The following BCKDHB variants were observed in gnomAD, a reference collection of about 807,000 sequenced individuals.
BCKDHB encodes the protein 2-oxoisovalerate dehydrogenase subunit beta, mitochondrial.
BCKDHB carries 41 observed loss-of-function variants against 48.5 expected under a neutral mutation model. The ratio of observed to expected loss-of-function variants is 0.85; its 90% CI spans 0.66 to 1.10. The LOEUF (loss-of-function observed/expected upper bound fraction) is 1.10. Ranked by LOEUF, BCKDHB falls within the 50% of genes least tolerant of loss-of-function variation. BCKDHB has a pLI of 0.00. For synonymous variants in BCKDHB, 201 were observed against 174.8 expected (o/e 1.15, Z -1.18); for missense variants, 496 against 494.2 (o/e 1.00, Z -0.03).
Position 80,173,368 on chromosome 6 carries a change from G to T in BCKDHB, c.742+1978G>T, listed in dbSNP as rs549876226. 3.3e-5 allele frequency among the ~76,000 whole-genome samples: 5 copies of T among 152,144 alleles called. No homozygotes were observed. In the East Asian group the frequency reaches 9.7e-4, roughly 29 times the overall value. On this transcript the variant is annotated intron_variant, in intron 6 of 9. Transcript: ENST00000320393. Reference sequence around the variant, plus strand: ...CTCAATAGAGGTCACAGTGATATTGGCTCTTTCATAGCTAGAAAGCTTCTC... The same window carrying T: ...CTCAATAGAGGTCACAGTGATATTGTCTCTTTCATAGCTAGAAAGCTTCTC...
intron 1 of BCKDHB, among the ~76,000 whole-genome samples, chr6:80,125,647 G>A (rs139023527): frequency 2.8e-4 from 42 of 152,220 alleles, no homozygotes; most frequent in African/African-American, 8.2e-4. Context: ...TTATGTCTCA[G>A]GGAATAGGGA....
chr6:80,355,207 C>T, the BCKDHB span, among the ~76,000 whole-genome samples: 917 of 151,892 alleles, frequency 6.0e-3, 9 homozygotes, highest in African/African-American at 0.021. Flanking sequence ...CGAGACTAGC[C>T]TGGCCAACAT....
At chr6:80,157,721 C>T (rs769893717) in intron 3 of BCKDHB, among the ~76,000 whole-genome samples, 4 of 151,638 alleles carry the variant, frequency 2.6e-5, no homozygotes, top group East Asian at 1.9e-4. Flanking sequence ...TCAGGTGATC[C>T]GCCCACCTCG....
chr6:80,213,925 G>A (rs1306226534), intron 8 of BCKDHB, among the ~76,000 whole-genome samples: 2 of 152,136 alleles, frequency 1.3e-5, no homozygotes, highest in African/African-American at 4.8e-5. Context: ...TTAGGGGAAA[G>A]GAGCTAGAAG....
At chr6:80,353,654 A>T in the BCKDHB span, among the ~76,000 whole-genome samples, 4 of 152,228 alleles carry the variant, frequency 2.6e-5, no homozygotes, top group African/African-American at 9.6e-5. Context: ...AGAGATCAAG[A>T]CCATCCTGGC....
At chr6:80,184,826 C>T (rs142913138) in intron 6 of BCKDHB, among the ~76,000 whole-genome samples, 2,186 of 152,248 alleles carry the variant, frequency 0.014, 52 homozygotes, top group African/African-American at 0.049. Flanking sequence ...AGAGGTTTTC[C>T]TTTATAGGTT....
Position 80,343,774 on chromosome 6 carries a change from T to C in BCKDHB, c.1149T>C (p.Tyr383=), listed in dbSNP as rs190867671. 4 of 1,614,012 alleles carry C rather than the reference T, an allele frequency of 2.5e-6. No individual in the cohort carries two copies. The East Asian group carries it at 6.7e-5, about 27-fold the overall frequency. The change falls in exon 10 of 10, where the codon TAT becomes TAC. Residue 383 remains tyrosine, a synonymous_variant. Coordinates refer to ENST00000320393, the MANE Select transcript of BCKDHB (RefSeq NM_183050.4). ...ACATCCCAGACAAATGGAAGTGTTA[T>C]GATGCCCTTCGAAAAATGATCAACT... ...PFYIPDKWKC[Y]DALRKMINY
chr6:80,163,234 A>G (rs565186773), intron 3 of BCKDHB, among the ~76,000 whole-genome samples: 3 of 151,670 alleles, frequency 2.0e-5, no homozygotes, highest in Non-Finnish European at 2.9e-5. Context: ...CCGTTTCTCC[A>G]TATAATTGTC....
intron 1 of BCKDHB, among the ~76,000 whole-genome samples, chr6:80,115,716 A>G (rs1014246486): frequency 2.6e-5 from 4 of 151,164 alleles, no homozygotes; most frequent in Non-Finnish European, 4.4e-5. Context: ...GGCCCACTGC[A>G]GGCTCTGCCT....
chr6:80,332,505 A>G (rs956379237), intron 9 of BCKDHB, among the ~76,000 whole-genome samples: 1 of 152,156 alleles, frequency 6.6e-6, no homozygotes, highest in Non-Finnish European at 1.5e-5. Flanking sequence ...TAAATTTTAT[A>G]TTCCAGTTTA....
intron 9 of BCKDHB, among the ~76,000 whole-genome samples, chr6:80,335,719 G>T (rs2128013266): frequency 6.6e-6 from 1 of 152,118 alleles, no homozygotes; most frequent in South Asian, 2.1e-4. Flanking sequence ...ATTTAGTGAA[G>T]AAAATTTTTT....
chr6:80,317,979 G>A (rs1768532012), intron 9 of BCKDHB, among the ~76,000 whole-genome samples: 1 of 152,086 alleles, frequency 6.6e-6, no homozygotes, highest in Non-Finnish European at 1.5e-5. Flanking sequence ...TCCCTCCTGT[G>A]GTCCTCAGTC....
the BCKDHB span, among the ~76,000 whole-genome samples, chr6:80,361,493 G>A: frequency 6.6e-6 from 1 of 152,180 alleles, no homozygotes; most frequent in Non-Finnish European, 1.5e-5. Flanking sequence ...GAACTTAGTA[G>A]AGGAAGGTTA....
chr6:80,407,907 G>C, the BCKDHB span, among the ~76,000 whole-genome samples: 1 of 152,148 alleles, frequency 6.6e-6, no homozygotes, highest in Non-Finnish European at 1.5e-5. Flanking sequence ...TAGGAGTGTT[G>C]AGAGAGGGCA....
chr6:80,298,636 T>G (rs990714615), intron 9 of BCKDHB, among the ~76,000 whole-genome samples: 2 of 152,224 alleles, frequency 1.3e-5, no homozygotes, highest in Non-Finnish European at 2.9e-5. Flanking sequence ...AAGAAAGTAC[T>G]GCCACATGGT....
At chr6:80,361,887 A>G in the BCKDHB span, among the ~76,000 whole-genome samples, 8 of 152,222 alleles carry the variant, frequency 5.3e-5, no homozygotes, top group Admixed American at 4.6e-4. Flanking sequence ...TCTGAGAGAA[A>G]GAACACGCAT....
chr6:80,407,080 C>T, the BCKDHB span, among the ~76,000 whole-genome samples: 2 of 152,130 alleles, frequency 1.3e-5, no homozygotes, highest in Non-Finnish European at 2.9e-5. Context: ...ATATGGCTAG[C>T]CAGTTTTCCC....
At chr6:80,153,597 A>G (rs552090210) in intron 3 of BCKDHB, among the ~76,000 whole-genome samples, 26 of 152,268 alleles carry the variant, frequency 1.7e-4, no homozygotes, top group East Asian at 5.8e-4. Flanking sequence ...ACTAACAACT[A>G]TTAAGTCCTG....
At chr6:80,144,924 T>C (rs991270134) in intron 3 of BCKDHB, among the ~76,000 whole-genome samples, 1 of 152,154 alleles carries the variant, frequency 6.6e-6, no homozygotes, top group Admixed American at 6.6e-5. Flanking sequence ...CTGCTGTTGT[T>C]TTTTCCATCC....
Sources: allele counts gnomAD v4.1 joint callset (sites outside exome capture counted in the v4.1 genomes callset), GRCh38; gene constraint gnomAD v4.1.1; transcripts MANE v1.5; gene names NCBI Gene and HGNC (gene_info 2026-07-23, HGNC 2026-07-21).